WDFY2: variants seen among roughly 807,000 people sequenced by gnomAD.
WDFY2 encodes the protein WD repeat and FYVE domain containing 2.
A neutral mutation model predicts 56.4 loss-of-function variants in WDFY2; 36 were observed. The ratio of observed to expected loss-of-function variants is 0.64; its 90% confidence interval spans 0.49 to 0.84. WDFY2 has a LOEUF of 0.84. WDFY2 is among the 40% of genes least tolerant of loss of function. The pLI is 0.00. For synonymous variants in WDFY2, 176 were observed against 183.7 expected (o/e 0.96, Z 0.34); for missense variants, 444 against 512.2 (o/e 0.87, Z 1.29).
intron 1 of WDFY2, among the ~76,000 whole-genome samples, chr13:51,585,233 C>G (rs145741406): frequency 6.6e-6 from 1 of 152,336 alleles, no homozygotes; most frequent in South Asian, 2.1e-4. Flanking sequence ...GGGGTACTCT[C>G]GTACAGCTCC....
At chr13:51,709,923 C>T (rs1464552222) in intron 4 of WDFY2, among the ~76,000 whole-genome samples, 5 of 152,050 alleles carry the variant, frequency 3.3e-5, no homozygotes, top group African/African-American at 7.2e-5. Flanking sequence ...GAATCCTCCC[C>T]AATTCATTTT....
chr13:51,759,844 G>A lies in WDFY2; in HGVS notation c.*75G>A, dbSNP rs1593487914. 1.4e-6 allele frequency: 2 copies of A among 1,480,642 alleles called. No homozygotes were observed. Among genetic ancestry groups the A allele is most frequent in the Non-Finnish European group, 1.9e-6 (2 of 1,066,530 alleles). 91.7% of individuals were successfully genotyped at this position (1,480,642 alleles called of 1,614,324 possible). On this transcript the variant is annotated 3_prime_UTR_variant, in exon 12 of 12. Coordinates refer to ENST00000298125, the MANE Select transcript of WDFY2 (RefSeq NM_052950.4). ...TTTAACCCAAATCATTACCAGAGTG[G>A]TAAAGCAGACATGTGAGAAGTAAGA...
intron 4 of WDFY2, among the ~76,000 whole-genome samples, chr13:51,711,034 A>G (rs1356796062): frequency 1.3e-5 from 2 of 152,198 alleles, no homozygotes; most frequent in African/African-American, 4.8e-5. Context: ...CCTGACTTCA[A>G]ACTATACTAC....
At chr13:51,752,986 T>C (rs1037246920) in intron 8 of WDFY2, 4 of 152,318 alleles carry the variant, frequency 2.6e-5, no homozygotes, top group African/African-American at 9.6e-5. Flanking sequence ...AGAAAAGGCT[T>C]GTAGGAGGAA....
intron 4 of WDFY2, among the ~76,000 whole-genome samples, chr13:51,717,336 C>T (rs1430749990): frequency 6.6e-6 from 1 of 151,978 alleles, no homozygotes; most frequent in African/African-American, 2.4e-5. Flanking sequence ...GGTAGCCTGA[C>T]ACTGAGAGAG....
rs1005064385 is a variant in WDFY2 at position 51,584,487 on chromosome 13, G to T, written c.-201G>T. 41 of 652,706 alleles carry T rather than the reference G, an allele frequency of 6.3e-5. No homozygotes were observed. In the Admixed American group the frequency reaches 1.0e-3, roughly 16 times the overall value. The allele number at this position is 652,706 out of a possible 1,614,324, so 40.4% of individuals were successfully genotyped here. The stretch of plus-strand genomic sequence containing the variant: ...GTAGTGGCGCCGGCTTGCATCCCAG[G>T]TCGTGGCGGTTTTGGTGCCTGAAGC... On this transcript the variant is annotated 5_prime_UTR_variant, in exon 1 of 12. Transcript: ENST00000298125.
rs1241330387 is a variant in WDFY2, at chr13:51,727,686, T to G, written c.494T>G (p.Val165Gly). 1.2e-6 allele frequency: 2 copies of G among 1,613,216 alleles called. No individual in the cohort carries two copies. Among genetic ancestry groups the G allele is most frequent in the African/African-American group, 1.3e-5 (1 of 74,914 alleles). The change falls in exon 6 of 12, where the codon GTT becomes GGT. Residue 165 changes from valine to glycine, a missense_variant. By Grantham distance (109) the Val-to-Gly change is moderately radical. Transcript: ENST00000298125. The stretch of plus-strand genomic sequence containing the variant: ...TAATGCTTTCATGACAGATTTGATG[T>G]TGAAACCCGGCATGTGTTTATCGGT... The part of the protein sequence containing the change: ...SAVASGLQFD[V>G]ETRHVFIGDH...
At chr13:51,717,521 G>A (rs1221494846) in intron 4 of WDFY2, among the ~76,000 whole-genome samples, 5 of 151,956 alleles carry the variant, frequency 3.3e-5, no homozygotes, top group African/African-American at 7.3e-5. Context: ...CCTTGGGCTC[G>A]AATATGGTAG....
rs904359507 is a variant in WDFY2, at chr13:51,765,385, TAA to T, written c.*5620_*5621del. 3 of 152,180 alleles carry T rather than the reference TAA, an allele frequency of 2.0e-5. No homozygotes were observed. The highest frequency in any genetic ancestry group is 2.0e-4 in the Admixed American group (3 of 15,276). 9.4% of individuals were successfully genotyped at this position (152,180 alleles called of 1,614,324 possible). A position where few individuals can be genotyped will look rare whatever the true frequency, so the allele number is the denominator to read the frequency against. ...AGGTTTAACACATGAAAGCAGTGTC[TAA>T]AAATTAGATCGGTCCTAAATTGGAA... On this transcript the variant is annotated 3_prime_UTR_variant, in exon 12 of 12. Coordinates refer to ENST00000298125, the MANE Select transcript of WDFY2 (RefSeq NM_052950.4).
intron 1 of WDFY2, among the ~76,000 whole-genome samples, chr13:51,623,951 A>G (rs2138363700): frequency 6.6e-6 from 1 of 152,270 alleles, no homozygotes; most frequent in Admixed American, 6.5e-5. Flanking sequence ...ACAAAGAGGC[A>G]GAATAAAGAA....
At chr13:51,622,832 G>T (rs532868734) in intron 1 of WDFY2, among the ~76,000 whole-genome samples, 123 of 150,472 alleles carry the variant, frequency 8.2e-4, no homozygotes, top group Middle Eastern at 6.8e-3. Context: ...CTTTAAAAGT[G>T]AAGGTATGCT....
chr13:51,756,253 CT>C, intron 9 of WDFY2, 78 bp from the exon 10 acceptor site: 1 of 1,538,950 alleles, frequency 6.5e-7, no homozygotes, highest in African/African-American at 1.4e-5. Flanking sequence ...TTACACCTCT[CT>C]GCCAGGAGGG....
Position 51,641,347 on chromosome 13 carries a change from G to T in WDFY2, c.138-19249G>T, listed in dbSNP as rs1431926656. ...GCCTCCCAGAATGCTGGGATTACAGGCGTGAGCCACCGCAGCCAGCCTGTT... is the reference window on the plus strand; with the variant it reads ...GCCTCCCAGAATGCTGGGATTACAGTCGTGAGCCACCGCAGCCAGCCTGTT... On this transcript the variant is annotated intron_variant, in intron 1 of 11. Transcript: ENST00000298125. 2.0e-5 allele frequency among the ~76,000 whole-genome samples: 3 copies of T among 152,060 alleles called. No homozygotes were observed. In the East Asian group the frequency reaches 5.9e-4, roughly 30 times the overall value.
chr13:51,728,959 C>T (rs1022199115), intron 6 of WDFY2, among the ~76,000 whole-genome samples: 1 of 152,172 alleles, frequency 6.6e-6, no homozygotes, highest in Admixed American at 6.5e-5. Flanking sequence ...CAATTCCCTA[C>T]ACCTTTCTTC....
At chr13:51,652,646 T>A (rs1014856276) in intron 1 of WDFY2, among the ~76,000 whole-genome samples, 1 of 152,218 alleles carries the variant, frequency 6.6e-6, no homozygotes, top group Non-Finnish European at 1.5e-5. Flanking sequence ...AAGGATTTTA[T>A]TTCTCCTTCA....
intron 1 of WDFY2, among the ~76,000 whole-genome samples, chr13:51,632,686 AAG>A (rs2138383634): frequency 6.6e-6 from 1 of 152,362 alleles, no homozygotes; most frequent in East Asian, 1.9e-4. Flanking sequence ...ACAGATAAAA[AAG>A]TTTAAATCTC....
chr13:51,710,294 A>T (rs1161287227), intron 4 of WDFY2, among the ~76,000 whole-genome samples: 1 of 152,192 alleles, frequency 6.6e-6, no homozygotes, highest in Non-Finnish European at 1.5e-5. Context: ...ATCTCAAAAT[A>T]ATAAGAGCTA....
rs1953663898 is a variant in WDFY2, at chr13:51,763,831, A to T, written c.*4062A>T. On this transcript the variant is annotated 3_prime_UTR_variant, in exon 12 of 12. Transcript: ENST00000298125. ...AAAGTATAATTTATTTTTGCCTGAT[A>T]TTAATCACTTCTTAAGGCCCAAATT... 1 of 152,222 alleles carries T rather than the reference A, an allele frequency of 6.6e-6. No individual in the cohort carries two copies. 9.4% of individuals were successfully genotyped at this position (152,222 alleles called of 1,614,324 possible).
intron 2 of WDFY2, among the ~76,000 whole-genome samples, chr13:51,674,680 C>T (rs1191818467): frequency 2.0e-5 from 3 of 152,118 alleles, no homozygotes; most frequent in Non-Finnish European, 4.4e-5. Flanking sequence ...CGCCCCGAAT[C>T]AATTCTGAAT....
Sources: gnomAD v4.1 joint callset for allele counts (sites outside exome capture counted in the v4.1 genomes callset) on GRCh38, gnomAD v4.1.1 for gene constraint, MANE v1.5 for transcripts, NCBI Gene and HGNC (gene_info 2026-07-23, HGNC 2026-07-21) for gene names.